LINGO2: variants seen among roughly 807,000 people sequenced by gnomAD.
LINGO2 encodes the protein leucine rich repeat and Ig domain containing 2.
Under a neutral mutation model 30.6 loss-of-function variants are expected in LINGO2, and 14 were observed. That is an observed-to-expected ratio of 0.46 (90% CI 0.30 to 0.72). The LOEUF (loss-of-function observed/expected upper bound fraction) is 0.72. Among genes scored for constraint, LINGO2 ranks in the 30% least tolerant of loss-of-function variants. The pLI is 0.07. For missense variants in LINGO2, 729 were observed against 751.7 expected, an observed-to-expected ratio of 0.97 and a Z score of 0.35; for synonymous variants, 317 against 288.5, an observed-to-expected ratio of 1.10 and a Z score of -1.00.
the LINGO2 span, among the ~76,000 whole-genome samples, chr9:28,871,889 T>C: frequency 8.0e-3 from 1,214 of 152,154 alleles, 23 homozygotes; most frequent in African/African-American, 0.028. Context: ...AGATGCTTAA[T>C]AATTTCTACC....
intron 5 of LINGO2, among the ~76,000 whole-genome samples, chr9:27,951,964 A>G (rs1210830945): frequency 6.6e-6 from 1 of 152,144 alleles, no homozygotes; most frequent in East Asian, 1.9e-4. Context: ...AAATCACTAG[A>G]AAATTTTCCT....
intron 4 of LINGO2, among the ~76,000 whole-genome samples, chr9:28,057,828 C>G (rs535890588): frequency 6.6e-6 from 1 of 152,074 alleles, no homozygotes; most frequent in East Asian, 1.9e-4. Flanking sequence ...CCTTCACCTA[C>G]TTCTGTGTGT....
chr9:28,017,950 A>G (rs1210012183), intron 4 of LINGO2, among the ~76,000 whole-genome samples: 1 of 152,214 alleles, frequency 6.6e-6, no homozygotes, highest in African/African-American at 2.4e-5. Context: ...ACCTGACTTC[A>G]AGCTATATTA....
chr9:29,176,951 G>A, the LINGO2 span, among the ~76,000 whole-genome samples: 1 of 152,140 alleles, frequency 6.6e-6, no homozygotes, highest in East Asian at 1.9e-4. Context: ...CACCGAAAAG[G>A]ATTGGGTGTT....
intron 4 of LINGO2, among the ~76,000 whole-genome samples, chr9:28,245,415 C>G (rs535941108): frequency 6.6e-6 from 1 of 152,250 alleles, no homozygotes. Context: ...TCCTCTCTCA[C>G]CACTCCTATT....
At chr9:28,941,015 C>T in the LINGO2 span, among the ~76,000 whole-genome samples, 2 of 147,508 alleles carry the variant, frequency 1.4e-5, no homozygotes, top group African/African-American at 5.0e-5. Flanking sequence ...TTTCTCTCCA[C>T]AAAAAAAAAT....
At chr9:29,163,672 T>A in the LINGO2 span, among the ~76,000 whole-genome samples, 2 of 152,206 alleles carry the variant, frequency 1.3e-5, no homozygotes, top group African/African-American at 4.8e-5. Flanking sequence ...CATAAGACTA[T>A]GAAAATCCCC....
the LINGO2 span, among the ~76,000 whole-genome samples, chr9:29,089,404 T>C: frequency 1.3e-5 from 2 of 151,986 alleles, no homozygotes; most frequent in African/African-American, 4.8e-5. Context: ...AATAGTATTA[T>C]TATCTTTTAA....
intron 4 of LINGO2, among the ~76,000 whole-genome samples, chr9:28,034,744 C>T (rs991193373): frequency 1.3e-5 from 2 of 152,156 alleles, no homozygotes; most frequent in Non-Finnish European, 2.9e-5. Context: ...AAAATTGCTA[C>T]TTATTTTTAT....
chr9:28,954,119 G>T, the LINGO2 span, among the ~76,000 whole-genome samples: 4 of 152,058 alleles, frequency 2.6e-5, no homozygotes, highest in African/African-American at 9.7e-5. Context: ...TTGATCACTG[G>T]CAACAAATAC....
chr9:28,457,509 G>A (rs1278339412), intron 2 of LINGO2, among the ~76,000 whole-genome samples: 1 of 151,870 alleles, frequency 6.6e-6, no homozygotes, highest in African/African-American at 2.4e-5. Flanking sequence ...AAACTCCTGG[G>A]CTCAAGCAAT....
chr9:28,951,659 A>G, the LINGO2 span, among the ~76,000 whole-genome samples: 1 of 152,024 alleles, frequency 6.6e-6, no homozygotes, highest in Admixed American at 6.6e-5. Context: ...CTGCATAGCA[A>G]CACTTCTGAG....
chr9:28,690,313 T>A, the LINGO2 span, among the ~76,000 whole-genome samples: 11 of 152,136 alleles, frequency 7.2e-5, no homozygotes, highest in African/African-American at 2.7e-4. Flanking sequence ...TTGGGTGACC[T>A]ATGAGCAAAA....
intron 4 of LINGO2, among the ~76,000 whole-genome samples, chr9:28,142,721 C>T (rs1254785533): frequency 6.6e-6 from 1 of 152,058 alleles, no homozygotes; most frequent in Non-Finnish European, 1.5e-5. Context: ...CAGAACTATC[C>T]CAACTCTTGA....
the LINGO2 span, among the ~76,000 whole-genome samples, chr9:28,696,393 G>A: frequency 2.6e-4 from 40 of 151,894 alleles, no homozygotes; most frequent in Middle Eastern, 6.8e-3. Flanking sequence ...TTTGCAAAAC[G>A]ATAAGCAAAT....
At chr9:28,085,329 C>T (rs1268776483) in intron 4 of LINGO2, among the ~76,000 whole-genome samples, 3 of 152,048 alleles carry the variant, frequency 2.0e-5, no homozygotes, top group Admixed American at 6.6e-5. Flanking sequence ...TCCACCTGAC[C>T]CATTCCTGAT....
the LINGO2 span, among the ~76,000 whole-genome samples, chr9:28,922,838 T>C: frequency 7.9e-5 from 12 of 152,198 alleles, no homozygotes; most frequent in Admixed American, 7.9e-4. Context: ...GCGAATGTTA[T>C]ATGTCAAAAA....
chr9:28,541,069 T>C (rs994198483), intron 1 of LINGO2, among the ~76,000 whole-genome samples: 12 of 152,164 alleles, frequency 7.9e-5, no homozygotes, highest in Non-Finnish European at 1.5e-4. Flanking sequence ...AAAGGAACAA[T>C]AGATAATGCA....
At chr9:28,838,480 C>T in the LINGO2 span, among the ~76,000 whole-genome samples, 3 of 151,964 alleles carry the variant, frequency 2.0e-5, no homozygotes, top group African/African-American at 7.3e-5. Flanking sequence ...TTTGAGGATC[C>T]TCAATTTCTA....
Sources: allele counts gnomAD v4.1 joint callset (sites outside exome capture counted in the v4.1 genomes callset), GRCh38; gene constraint gnomAD v4.1.1; transcripts MANE v1.5; gene names NCBI Gene and HGNC (gene_info 2026-07-23, HGNC 2026-07-21).